The following DMXL2 variants were observed in gnomAD, a reference collection of about 807,000 sequenced individuals.
The protein encoded by DMXL2 is dmX-like protein 2.
In DMXL2, 103 loss-of-function variants were observed where a neutral mutation model predicts 331.1. That is an observed-to-expected ratio of 0.31 (90% CI 0.27 to 0.37). The LOEUF (loss-of-function observed/expected upper bound fraction) is 0.37. DMXL2 is among the 10% of genes least tolerant of loss of function. The pLI is 1.00. For synonymous variants in DMXL2, 1,281 were observed against 1,252.1 expected (o/e 1.02, Z -0.49); for missense variants, 3,171 against 3,642.9 (o/e 0.87, Z 3.33).
chr15:51,538,978 G>A (rs189457607), intron 9 of DMXL2, among the ~76,000 whole-genome samples: 417 of 152,206 alleles, frequency 2.7e-3, no homozygotes, highest in South Asian at 6.2e-3. Flanking sequence ...GGGAGGGAGA[G>A]GCGGGTGGAT....
At chr15:51,583,106 CTTTTTTTTTTTT>C (rs57226377) in intron 1 of DMXL2, among the ~76,000 whole-genome samples, 17 of 87,180 alleles carry the variant, frequency 1.9e-4, no homozygotes, top group African/African-American at 5.7e-4. Context: ...CTTCATTCTT[CTTTTTTTTTTTT>C]TTCTTTTTTT....
At chr15:51,506,838 G>A (rs868132074) in intron 16 of DMXL2, among the ~76,000 whole-genome samples, 1 of 152,068 alleles carries the variant, frequency 6.6e-6, no homozygotes, top group Non-Finnish European at 1.5e-5. Context: ...TACAATATTA[G>A]TTCTATGGAC....
intron 18 of DMXL2, among the ~76,000 whole-genome samples, chr15:51,497,677 T>C (rs752408874): frequency 1.8e-4 from 27 of 152,334 alleles, no homozygotes; most frequent in Non-Finnish European, 3.5e-4. Context: ...GAATGGAATC[T>C]AGTTCCAGGA....
chr15:51,508,905 T>C (rs549043347), intron 15 of DMXL2, among the ~76,000 whole-genome samples: 1 of 152,210 alleles, frequency 6.6e-6, no homozygotes, highest in East Asian at 1.9e-4. Flanking sequence ...CCTAATGAAA[T>C]AACTGGTTTA....
At chr15:51,512,128 C>A (rs2046792794) in intron 15 of DMXL2, among the ~76,000 whole-genome samples, 1 of 152,006 alleles carries the variant, frequency 6.6e-6, no homozygotes, top group African/African-American at 2.4e-5. Flanking sequence ...CACCATGGCA[C>A]ATGTATACGT....
intron 36 of DMXL2, 35 bp from the exon 37 acceptor site, chr15:51,457,501 C>T (rs2039733945): frequency 1.2e-6 from 2 of 1,605,396 alleles, no homozygotes; most frequent in Non-Finnish European, 1.7e-6. Context: ...TGTGAACATT[C>T]CCTTTTCTCT....
At chr15:51,603,426 T>C (rs1303617443) in intron 1 of DMXL2, among the ~76,000 whole-genome samples, 1 of 152,126 alleles carries the variant, frequency 6.6e-6, no homozygotes, top group African/African-American at 2.4e-5. Flanking sequence ...ACTAGGATAG[T>C]CCTTTAACTA....
chr15:51,475,779 G>A (rs1206591698), intron 27 of DMXL2, among the ~76,000 whole-genome samples: 1 of 152,192 alleles, frequency 6.6e-6, no homozygotes, highest in South Asian at 2.1e-4. Flanking sequence ...AATTATGTGA[G>A]AATGTCTGTT....
chr15:51,455,575 AG>A (rs1321769915), intron 39 of DMXL2, among the ~76,000 whole-genome samples: 1 of 152,142 alleles, frequency 6.6e-6, no homozygotes, highest in Non-Finnish European at 1.5e-5. Flanking sequence ...AAATTTTTGT[AG>A]GGATGTGGTC....
intron 22 of DMXL2, among the ~76,000 whole-genome samples, chr15:51,487,402 AT>A (rs1041093771): frequency 5.4e-5 from 8 of 148,606 alleles, no homozygotes; most frequent in Non-Finnish European, 9.1e-5. Context: ...ATTTTTCAGC[AT>A]TTTTTTCATA....
chr15:51,481,243 C>T lies in DMXL2; in HGVS notation c.5863G>A (p.Val1955Ile). ...CTCCAGTCATACTGTGATGAAGTTACATTTGACCATTCAATGCCAGAACTT... is the reference window on the plus strand; with the variant it reads ...CTCCAGTCATACTGTGATGAAGTTATATTTGACCATTCAATGCCAGAACTT... ...NGSSGIEWSN[V>I]TSSQYDWSQP... The change falls in exon 24 of 44, where the codon GTA becomes ATA. Residue 1955 changes from valine (V) to isoleucine (I), a missense_variant. Physicochemically the swap from Val to Ile is conservative, Grantham distance 29 (BLOSUM62 3). This residue lies in a region of DMXL2 where 244 missense variants were observed against 251.4 expected (regional missense o/e 0.97). Coordinates refer to ENST00000560891, the MANE Select transcript of DMXL2 (RefSeq NM_001378457.1). 6.2e-7 allele frequency: 1 copy of T among 1,613,888 alleles called. No homozygotes were observed. Among genetic ancestry groups the T allele is most frequent in the Non-Finnish European group, 8.5e-7 (1 of 1,179,900 alleles).
At chr15:51,497,012 A>G (rs946564206) in intron 18 of DMXL2, among the ~76,000 whole-genome samples, 9 of 152,210 alleles carry the variant, frequency 5.9e-5, no homozygotes, top group Non-Finnish European at 1.0e-4. Context: ...TTTGTATTAG[A>G]AAGTATAAAC....
At chr15:51,453,755 T>A in intron 40 of DMXL2, 114 bp from the exon 41 acceptor site, 1 of 800,814 alleles carries the variant, frequency 1.2e-6, no homozygotes, top group Non-Finnish European at 2.0e-6. Context: ...AAATAGTTTT[T>A]AAAAACTCGG....
At chr15:51,618,727 T>C (rs570671099) in intron 1 of DMXL2, among the ~76,000 whole-genome samples, 1 of 152,320 alleles carries the variant, frequency 6.6e-6, no homozygotes, top group East Asian at 1.9e-4. Context: ...AATTTATCCT[T>C]CGTATTATGC....
chr15:51,550,817 TAGTA>T (rs1342729047), intron 6 of DMXL2, among the ~76,000 whole-genome samples: 1 of 152,122 alleles, frequency 6.6e-6, no homozygotes, highest in Non-Finnish European at 1.5e-5. Context: ...AAAGGCTCTT[TAGTA>T]AGTAAGGCTT....
At chr15:51,594,626 G>C (rs1289172135) in intron 1 of DMXL2, among the ~76,000 whole-genome samples, 1 of 152,070 alleles carries the variant, frequency 6.6e-6, no homozygotes, top group Non-Finnish European at 1.5e-5. Flanking sequence ...GAGAATTTTA[G>C]ACCAATATCC....
chr15:51,579,670 G>T lies in DMXL2; in HGVS notation c.88-3489C>A, dbSNP rs1157559580. Among the ~76,000 whole-genome samples the T allele has an allele frequency of 4.6e-5, 7 of 152,160 alleles. No homozygotes were observed. The South Asian group carries it at 6.2e-4, about 13-fold the overall frequency. ...CCTAGAAACTTAGTCAAAGAACTTG[G>T]AGTTGAAACACTGACACTGCCTTGT... On this transcript the variant is annotated intron_variant, in intron 1 of 43. Coordinates refer to ENST00000560891, the MANE Select transcript of DMXL2 (RefSeq NM_001378457.1).
chr15:51,538,348 T>C lies in DMXL2; in HGVS notation c.1210A>G (p.Thr404Ala), dbSNP rs747071063. ...NNKEFHFTSSTEVFMHQLRKL... is the reference protein window; with the variant it reads ...NNKEFHFTSSAEVFMHQLRKL... ...CGTAATTGATGCATAAATACTTCTGTAGATGATGTAAAATGAAATTCCTTG... is the reference window on the plus strand; with the variant it reads ...CGTAATTGATGCATAAATACTTCTGCAGATGATGTAAAATGAAATTCCTTG... Residue 404 changes from threonine (T) to alanine (A), a missense_variant, in exon 10 of 44, where the codon ACA becomes GCA. By Grantham distance (58) the Thr-to-Ala change is moderately conservative. Transcript: ENST00000560891. The C allele has an allele frequency of 8.1e-6, 13 of 1,613,696 alleles. 1 individual carries two copies. In the South Asian group the frequency reaches 8.8e-5, roughly 11 times the overall value.
At chr15:51,509,064 C>CATG (rs1260013190) in intron 15 of DMXL2, among the ~76,000 whole-genome samples, 1 of 151,876 alleles carries the variant, frequency 6.6e-6, no homozygotes, top group Non-Finnish European at 1.5e-5. Context: ...ATATGAAGTA[C>CATG]ATGGCATCAC....
Sources: allele counts gnomAD v4.1 joint callset (sites outside exome capture counted in the v4.1 genomes callset), GRCh38; gene constraint gnomAD v4.1.1; regional missense constraint gnomAD v4.1.1; transcripts MANE v1.5; gene names NCBI Gene and HGNC (gene_info 2026-07-23, HGNC 2026-07-21).